The following NUP107 variants were observed in gnomAD, a reference collection of about 807,000 sequenced individuals.
The protein encoded by NUP107 is nuclear pore complex protein Nup107.
In NUP107, 101 loss-of-function variants were observed where a neutral mutation model predicts 141.0. That is an observed-to-expected ratio of 0.72 (90% CI 0.61 to 0.84). NUP107 has a LOEUF of 0.84. NUP107 is among the 40% of genes least tolerant of loss of function. NUP107 has a pLI of 0.00. For missense variants in NUP107, 941 were observed against 1,102.7 expected, an observed-to-expected ratio of 0.85 and a Z score of 2.08; for synonymous variants, 319 against 363.9, an observed-to-expected ratio of 0.88 and a Z score of 1.41.
intron 20 of NUP107, among the ~76,000 whole-genome samples, chr12:68,727,631 A>G (rs769857321): frequency 2.4e-4 from 37 of 152,142 alleles, no homozygotes; most frequent in Non-Finnish European, 4.6e-4. Flanking sequence ...CTGATACCCT[A>G]CTGCTGACCA....
intron 6 of NUP107, among the ~76,000 whole-genome samples, chr12:68,698,022 C>A: frequency 1.4e-5 from 2 of 144,664 alleles, no homozygotes; most frequent in African/African-American, 2.6e-5. Flanking sequence ...AGTGAGACTC[C>A]ATCTCAAAAA....
chr12:68,692,877 G>T (rs1182724432), intron 5 of NUP107, among the ~76,000 whole-genome samples: 2 of 151,374 alleles, frequency 1.3e-5, no homozygotes, highest in Non-Finnish European at 2.9e-5. Context: ...AGTCTCCAGA[G>T]TAGCTGGGAT....
intron 24 of NUP107, 62 bp downstream of exon 24, chr12:68,733,674 CAG>C: frequency 6.5e-7 from 1 of 1,530,998 alleles, no homozygotes; most frequent in Non-Finnish European, 8.8e-7. Context: ...GATTCACTCT[CAG>C]AGTTTGAACT....
intron 26 of NUP107, chr12:68,740,066 A>G (rs1374780614): frequency 6.6e-6 from 1 of 152,208 alleles, no homozygotes; most frequent in Non-Finnish European, 1.5e-5. Context: ...TAATTAGCAG[A>G]AGAGATTGTC....
intron 26 of NUP107, 107 bp from the exon 27 acceptor site, chr12:68,741,706 A>G (rs1424578928): frequency 2.1e-6 from 2 of 959,996 alleles, no homozygotes; most frequent in Non-Finnish European, 3.1e-6. Context: ...TTGCTGTTAA[A>G]TCTTGTCTAC....
chr12:68,710,380 G>T (rs930399430), intron 10 of NUP107, among the ~76,000 whole-genome samples: 1 of 152,066 alleles, frequency 6.6e-6, no homozygotes, highest in Non-Finnish European at 1.5e-5. Flanking sequence ...AAAACAAGCC[G>T]GGTGTGATGG....
rs1876297691 is a variant in NUP107, at chr12:68,700,860, G to A, written c.680+7G>A. 3 of 1,572,830 alleles carry A rather than the reference G, an allele frequency of 1.9e-6. No homozygotes were observed. Among genetic ancestry groups the A allele is most frequent in the Non-Finnish European group, 2.6e-6 (3 of 1,167,022 alleles). Reference sequence around the variant, plus strand: ...TGCTGGCTTCTTTGTATAGGTAATGGCGTCTAGAATTCATAAGTGAAATAA... The same window carrying A: ...TGCTGGCTTCTTTGTATAGGTAATGACGTCTAGAATTCATAAGTGAAATAA... On this transcript the variant is annotated splice_region_variant and intron_variant, in intron 7 of 27. Coordinates refer to ENST00000229179, the MANE Select transcript of NUP107 (RefSeq NM_020401.4).
At chr12:68,695,692 T>C (rs1371206953) in intron 5 of NUP107, among the ~76,000 whole-genome samples, 1 of 152,212 alleles carries the variant, frequency 6.6e-6, no homozygotes, top group African/African-American at 2.4e-5. Context: ...TGTGGATACA[T>C]AGTGGTGATG....
chr12:68,700,400 T>C (rs1876271686), intron 6 of NUP107, among the ~76,000 whole-genome samples: 1 of 152,244 alleles, frequency 6.6e-6, no homozygotes, highest in Non-Finnish European at 1.5e-5. Context: ...GTTATGATTT[T>C]TCCAGGTATA....
rs1350514361 is a variant in NUP107 at position 68,689,567 on chromosome 12, T to A, written c.135T>A (p.Thr45=). Residue 45 remains threonine (T), a synonymous_variant, in exon 3 of 28, where the codon ACT becomes ACA. Coordinates refer to ENST00000229179, the MANE Select transcript of NUP107 (RefSeq NM_020401.4). ...CTCAAGATGAAAATTTTGGTAATACTACACCAAGAAACCAGGTTATCCCTC... is the reference window on the plus strand; with the variant it reads ...CTCAAGATGAAAATTTTGGTAATACAACACCAAGAAACCAGGTTATCCCTC... ...QASQDENFGN[T]TPRNQVIPRT... The A allele has an allele frequency of 6.2e-7, 1 of 1,612,948 alleles. No homozygotes were observed. Among genetic ancestry groups the A allele is most frequent in the East Asian group, 2.2e-5 (1 of 44,766 alleles).
intron 26 of NUP107, among the ~76,000 whole-genome samples, chr12:68,740,604 A>AAT (rs1878282627): frequency 6.6e-6 from 1 of 152,148 alleles, no homozygotes; most frequent in Non-Finnish European, 1.5e-5. Context: ...TTAGCAATTT[A>AAT]ATATAGCCTC....
intron 26 of NUP107, among the ~76,000 whole-genome samples, chr12:68,739,544 A>G (rs1878230639): frequency 3.3e-5 from 5 of 152,232 alleles, no homozygotes; most frequent in Admixed American, 3.3e-4. Context: ...TCTCACATGT[A>G]AGGCACTACA....
At chr12:68,687,348 G>C in intron 1 of NUP107, 1 of 770,728 alleles carries the variant, frequency 1.3e-6, no homozygotes, top group Non-Finnish European at 1.8e-6. Context: ...TCGCTCCTGG[G>C]GTGGGCGGGG....
chr12:68,713,891 T>C, intron 11 of NUP107, 83 bp downstream of exon 11: 2 of 1,073,560 alleles, frequency 1.9e-6, no homozygotes, highest in Non-Finnish European at 2.8e-6. Context: ...CGTGGATCTT[T>C]GTTTTGCTCT....
At chr12:68,714,569 A>G (rs1238690373) in intron 11 of NUP107, among the ~76,000 whole-genome samples, 1 of 152,186 alleles carries the variant, frequency 6.6e-6, no homozygotes, top group African/African-American at 2.4e-5. Context: ...TATGTATTCC[A>G]TTTTCTGAAT....
At chr12:68,696,600 C>A (rs1188152983) in intron 5 of NUP107, among the ~76,000 whole-genome samples, 1 of 151,798 alleles carries the variant, frequency 6.6e-6, no homozygotes, top group Non-Finnish European at 1.5e-5. Context: ...GTAATCCCAG[C>A]TAGTTGGGAG....
At chr12:68,730,862 C>T (rs1037533423) in intron 20 of NUP107, among the ~76,000 whole-genome samples, 4 of 151,914 alleles carry the variant, frequency 2.6e-5, no homozygotes, top group Admixed American at 6.6e-5. Context: ...CCCACCTACC[C>T]GGGAGGTTGA....
At chr12:68,732,562 T>G (rs1877876040) in intron 22 of NUP107, 75 bp from the exon 23 acceptor site, 1 of 789,576 alleles carries the variant, frequency 1.3e-6, no homozygotes, top group East Asian at 2.8e-5. Flanking sequence ...GTAAGTTAAT[T>G]CTACTAATTT....
In NUP107 at chr12:68,722,094, T is replaced by G. The variant is rs1443246152; in HGVS notation, c.1458-10T>G. The stretch of plus-strand genomic sequence containing the variant: ...TTAACATTATTCTTTTCCCGTTGTT[T>G]CTTTTGAAGCTGGACGTTAGAAAAG... On this transcript the variant is annotated splice_polypyrimidine_tract_variant and intron_variant, in intron 16 of 27. Transcript: ENST00000229179. The G allele has an allele frequency of 1.2e-6, 2 of 1,612,852 alleles. No individual in the cohort carries two copies. Among genetic ancestry groups the G allele is most frequent in the Non-Finnish European group, 8.5e-7 (1 of 1,179,694 alleles).
Sources: gnomAD v4.1 joint callset for allele counts (sites outside exome capture counted in the v4.1 genomes callset) on GRCh38, gnomAD v4.1.1 for gene constraint, MANE v1.5 for transcripts, NCBI Gene and HGNC (gene_info 2026-07-23, HGNC 2026-07-21) for gene names.